ECD: variants seen among roughly 807,000 people sequenced by gnomAD.
ECD encodes the protein ecdysoneless cell cycle regulator, also known as protein ecdysoneless homolog.
ECD carries 59 observed loss-of-function variants against 77.2 expected under a neutral mutation model. The observed-to-expected ratio is 0.76, with a 90% CI of 0.62 to 0.95. The LOEUF (loss-of-function observed/expected upper bound fraction) is 0.95. ECD is among the 40% of genes least tolerant of loss of function. The pLI, the probability that ECD is intolerant of heterozygous loss-of-function variation, is 0.00. For synonymous variants in ECD, 233 were observed against 267.4 expected (o/e 0.87, Z 1.26); for missense variants, 704 against 763.4 (o/e 0.92, Z 0.92).
intron 13 of ECD, among the ~76,000 whole-genome samples, 178 bp downstream of exon 13, chr10:73,136,524 AGC>A (rs1842975393): frequency 6.6e-6 from 1 of 152,228 alleles, no homozygotes; most frequent in Non-Finnish European, 1.5e-5. Context: ...AATATAATGA[AGC>A]TTATGTTTTG....
chr10:73,152,834 C>T (rs1264175363), intron 6 of ECD, among the ~76,000 whole-genome samples: 2 of 151,468 alleles, frequency 1.3e-5, no homozygotes, highest in Non-Finnish European at 2.9e-5. Context: ...ATTGCTTGAA[C>T]CCGGGAGGTG....
intron 9 of ECD, among the ~76,000 whole-genome samples, chr10:73,143,046 C>G (rs1329793161): frequency 1.3e-5 from 2 of 152,124 alleles, no homozygotes; most frequent in African/African-American, 4.8e-5. Flanking sequence ...CATGTAAGCT[C>G]TATAAGGACA....
At chr10:73,165,200 A>G (rs1645127281) in intron 1 of ECD, among the ~76,000 whole-genome samples, 1 of 152,174 alleles carries the variant, frequency 6.6e-6, no homozygotes, top group South Asian at 2.1e-4. Flanking sequence ...CAGAATGTAC[A>G]TCTCTCTCTT....
chr10:73,159,756 G>A (rs1843351001), intron 3 of ECD, among the ~76,000 whole-genome samples: 1 of 148,032 alleles, frequency 6.8e-6, no homozygotes, highest in Non-Finnish European at 1.5e-5. Flanking sequence ...CAATTCTCCT[G>A]CCTCAGCCTC....
Position 73,154,273 on chromosome 10 carries a change from T to C in ECD, c.766A>G (p.Thr256Ala), listed in dbSNP as rs746477497. 6.2e-7 allele frequency: 1 copy of C among 1,605,004 alleles called. No individual in the cohort carries two copies. Among genetic ancestry groups the C allele is most frequent in the East Asian group, 2.2e-5 (1 of 44,720 alleles). The part of the protein sequence containing the change: ...CRVFKTFLPE[T>A]RIMTSVTFTK... ...AATCTCACCGATGTCATTATTCGTG[T>C]TTCAGGCAAGAATGTCTTGAAAACA... is the stretch of plus-strand genomic sequence containing the variant. Residue 256 changes from threonine (T) to alanine (A), a missense_variant, in exon 6 of 14, where the codon ACA becomes GCA. Around this residue, in one of 3 missense-constraint regions of ECD, gnomAD observed 559 missense variants for 583.7 expected, o/e 0.96. Coordinates refer to ENST00000372979, the MANE Select transcript of ECD (RefSeq NM_007265.3).
At chr10:73,140,111 A>G (rs1289271757) in intron 9 of ECD, among the ~76,000 whole-genome samples, 1 of 151,886 alleles carries the variant, frequency 6.6e-6, no homozygotes, top group African/African-American at 2.4e-5. Context: ...CAACCTCCCA[A>G]GTAGCTGAGA....
intron 1 of ECD, among the ~76,000 whole-genome samples, chr10:73,165,905 T>C (rs113002474): frequency 9.2e-5 from 14 of 152,294 alleles, no homozygotes; most frequent in South Asian, 2.1e-4. Context: ...TGCTACCAAA[T>C]ACTAGTTTTC....
At chr10:73,159,600 A>C (rs1420078626) in intron 3 of ECD, among the ~76,000 whole-genome samples, 1 of 149,658 alleles carries the variant, frequency 6.7e-6, no homozygotes, top group East Asian at 2.0e-4. Flanking sequence ...AGTAGGTTTT[A>C]TTTGAAATCT....
In ECD at chr10:73,156,638, C is replaced by T; in HGVS notation, c.341G>A (p.Gly114Asp). The change falls in exon 4 of 14, where the codon GGT becomes GAT. Residue 114 changes from glycine (G) to aspartate (D), a missense_variant. Around this residue, in one of 3 missense-constraint regions of ECD, gnomAD observed 559 missense variants for 583.7 expected, o/e 0.96. Transcript: ENST00000372979. ...AGCAGCTTCTATTAACAAGAATTCA[C>T]CATCATTGTCTTCAATCCTAATGCA... is the stretch of plus-strand genomic sequence containing the variant. ...ELVARIEDND[G>D]EFLLIEAADF... 1 of 1,613,594 alleles carries T rather than the reference C, an allele frequency of 6.2e-7. No homozygotes were observed. The highest frequency in any genetic ancestry group is 8.5e-7 in the Non-Finnish European group (1 of 1,180,028).
At chr10:73,146,784 A>G (rs1843135490) in intron 8 of ECD, among the ~76,000 whole-genome samples, 1 of 152,098 alleles carries the variant, frequency 6.6e-6, no homozygotes, top group Admixed American at 6.6e-5. Context: ...GAAAAAAAAA[A>G]TTAAATTAAA....
chr10:73,149,789 C>T (rs758161876), intron 7 of ECD, among the ~76,000 whole-genome samples: 2 of 152,268 alleles, frequency 1.3e-5, no homozygotes, highest in Non-Finnish European at 2.9e-5. Context: ...CTAAGGGATA[C>T]AATCAATTTA....
At chr10:73,157,548 G>A (rs566428816) in intron 3 of ECD, among the ~76,000 whole-genome samples, 96 of 150,686 alleles carry the variant, frequency 6.4e-4, no homozygotes, top group Admixed American at 3.2e-3. Context: ...GAGAAACCCC[G>A]TCTCTACTAA....
At chr10:73,153,477 C>T (rs1239260706) in intron 6 of ECD, among the ~76,000 whole-genome samples, 2 of 151,188 alleles carry the variant, frequency 1.3e-5, no homozygotes, top group African/African-American at 4.8e-5. Context: ...TGGCTCACAC[C>T]TGTAATCCCA....
intron 8 of ECD, among the ~76,000 whole-genome samples, chr10:73,146,957 G>A (rs1490120046): frequency 1.3e-5 from 2 of 152,090 alleles, no homozygotes; most frequent in African/African-American, 4.8e-5. Context: ...GAATATACTA[G>A]CTGGGCACTG....
intron 9 of ECD, chr10:73,141,445 G>C (rs1170840368): frequency 6.2e-6 from 1 of 161,868 alleles, no homozygotes; most frequent in Admixed American, 6.4e-5. Flanking sequence ...CCAGGAGGTG[G>C]AGCTTGCAGT....
chr10:73,146,710 GCAGACTGCTTGAGCT>G (rs376840561), intron 8 of ECD, among the ~76,000 whole-genome samples: 10 of 152,112 alleles, frequency 6.6e-5, no homozygotes, highest in African/African-American at 2.2e-4. Flanking sequence ...GATGAGATGG[GCAGACTGCTTGAGCT>G]CAGGAGTTCA....
Position 73,139,359 on chromosome 10 carries a change from C to T in ECD, c.1371G>A (p.Met457Ile). 6.2e-7 allele frequency: 1 copy of T among 1,614,122 alleles called. No homozygotes were observed. Among genetic ancestry groups the T allele is most frequent in the Non-Finnish European group, 8.5e-7 (1 of 1,180,030 alleles). ...TTGAGACTTTGGATATGAAAGCTTT[C>T]ATGCTCTCTGAGACTTCAGTTAAGT... ...NYDLTEVSES[M>I]KAFISKVSTH... is the part of the protein sequence containing the mutation. The change falls in exon 11 of 14, where the codon ATG becomes ATA. Residue 457 changes from methionine (M) to isoleucine (I), a missense_variant. Physicochemically the swap from Met to Ile is conservative, Grantham distance 10 (BLOSUM62 1). Coordinates refer to ENST00000372979, the MANE Select transcript of ECD (RefSeq NM_007265.3).
intron 3 of ECD, among the ~76,000 whole-genome samples, chr10:73,157,440 C>T (rs554225817): frequency 2.0e-5 from 3 of 151,518 alleles, no homozygotes; most frequent in Non-Finnish European, 4.4e-5. Context: ...GTTACATGGC[C>T]AGGTGCAGTG....
intron 7 of ECD, among the ~76,000 whole-genome samples, chr10:73,150,686 C>A (rs532625967): frequency 2.5e-3 from 375 of 152,172 alleles, no homozygotes; most frequent in African/African-American, 8.6e-3. Flanking sequence ...AAGAAAAAAA[C>A]AAACAACCCC....
Sources: gnomAD v4.1 joint callset for allele counts (sites outside exome capture counted in the v4.1 genomes callset) on GRCh38, gnomAD v4.1.1 for gene constraint, gnomAD v4.1.1 regional missense constraint, MANE v1.5 for transcripts, NCBI Gene and HGNC (gene_info 2026-07-23, HGNC 2026-07-21) for gene names.